The following SCAF8 variants were observed in gnomAD, a reference collection of about 807,000 sequenced individuals.
SCAF8 encodes SR-related CTD associated factor 8, also known as SR-related and CTD-associated factor 8.
SCAF8 carries 23 observed loss-of-function variants against 140.5 expected under a neutral mutation model. The ratio of observed to expected loss-of-function variants is 0.16; its 90% CI spans 0.12 to 0.23. The LOEUF is 0.23. Ranked by LOEUF, SCAF8 falls within the 10% of genes least tolerant of loss-of-function variation. The pLI is 1.00. For synonymous variants in SCAF8, 575 were observed against 528.9 expected (o/e 1.09, Z -1.20); for missense variants, 1,397 against 1,555.7 (o/e 0.90, Z 1.72).
intron 3 of SCAF8, among the ~76,000 whole-genome samples, chr6:154,780,249 T>G (rs1385890105): frequency 6.6e-6 from 1 of 152,168 alleles, no homozygotes; most frequent in East Asian, 1.9e-4. Flanking sequence ...AAATGTTATA[T>G]AAATTGAATC....
chr6:154,823,824 G>A (rs1278969111), intron 16 of SCAF8, among the ~76,000 whole-genome samples: 1 of 152,174 alleles, frequency 6.6e-6, no homozygotes, highest in Non-Finnish European at 1.5e-5. Flanking sequence ...GTGAGTAAAA[G>A]GTACTTATGC....
chr6:154,751,899 G>C (rs992699684), intron 1 of SCAF8, among the ~76,000 whole-genome samples: 2 of 152,146 alleles, frequency 1.3e-5, no homozygotes, highest in Non-Finnish European at 2.9e-5. Context: ...TCCTTGGCAA[G>C]GAAGTATTGC....
At position 154,832,874 on chromosome 6, in the gene SCAF8, T is replaced by G; in HGVS notation, c.3295T>G (p.Phe1099Val). Residue 1099 changes from phenylalanine to valine, a missense_variant, in exon 20 of 20, where the codon TTT becomes GTT. Coordinates refer to ENST00000367178, the MANE Select transcript of SCAF8 (RefSeq NM_014892.5). ...PEKPWGHRGD[F>V]DEREHRVLPV... ...GAAGCCCTGGGGGCATAGAGGAGAT[T>G]TTGATGAGAGAGAGCATCGGGTTCT... 6.2e-7 allele frequency: 1 copy of G among 1,614,056 alleles called. No homozygotes were observed. Among genetic ancestry groups the G allele is most frequent in the African/African-American group, 1.3e-5 (1 of 75,014 alleles).
At chr6:154,786,572 G>A (rs958004954) in intron 3 of SCAF8, among the ~76,000 whole-genome samples, 3 of 152,192 alleles carry the variant, frequency 2.0e-5, no homozygotes, top group Admixed American at 6.5e-5. Context: ...GAGTCAAACC[G>A]TAAACTAAAT....
chr6:154,822,212 T>G, intron 15 of SCAF8, 64 bp from the exon 16 acceptor site: 2 of 1,515,592 alleles, frequency 1.3e-6, no homozygotes, highest in Non-Finnish European at 1.8e-6. Flanking sequence ...AATAAATGAA[T>G]ACAAAGAAGA....
chr6:154,805,543 G>T, intron 9 of SCAF8, 57 bp downstream of exon 9: 3 of 979,296 alleles, frequency 3.1e-6, no homozygotes, highest in East Asian at 2.6e-5. Context: ...TCTATAAATT[G>T]GCATTTTTGT....
intron 1 of SCAF8, among the ~76,000 whole-genome samples, chr6:154,760,075 G>T (rs1779064506): frequency 6.6e-6 from 1 of 151,838 alleles, no homozygotes; most frequent in African/African-American, 2.4e-5. Flanking sequence ...CAGATCACTT[G>T]AAGTCAGGAG....
chr6:154,759,627 T>G (rs1251432079), intron 1 of SCAF8, among the ~76,000 whole-genome samples: 1 of 151,994 alleles, frequency 6.6e-6, no homozygotes. Context: ...CATACTAATA[T>G]GACATCTGGA....
At chr6:154,762,342 G>A (rs988153263) in intron 1 of SCAF8, among the ~76,000 whole-genome samples, 1 of 152,188 alleles carries the variant, frequency 6.6e-6, no homozygotes, top group African/African-American at 2.4e-5. Context: ...TCAGGCTGTT[G>A]GCTGAATTCA....
intron 14 of SCAF8, among the ~76,000 whole-genome samples, 185 bp downstream of exon 14, chr6:154,818,777 C>T (rs1583063885): frequency 6.6e-6 from 1 of 152,172 alleles, no homozygotes; most frequent in African/African-American, 2.4e-5. Context: ...TGTTTCAGTT[C>T]GTTGAGTTAT....
At chr6:154,829,424 T>C (rs953494027) in intron 18 of SCAF8, among the ~76,000 whole-genome samples, 11 of 152,124 alleles carry the variant, frequency 7.2e-5, no homozygotes, top group Admixed American at 5.2e-4. Context: ...TAATAATTTT[T>C]TCATTCTAGT....
intron 4 of SCAF8, among the ~76,000 whole-genome samples, chr6:154,788,704 T>C (rs1261109656): frequency 6.6e-6 from 1 of 152,322 alleles, no homozygotes; most frequent in East Asian, 1.9e-4. Flanking sequence ...TCTTCTATTA[T>C]GGTAGAATTT....
intron 1 of SCAF8, among the ~76,000 whole-genome samples, chr6:154,755,468 C>T (rs1018437006): frequency 1.3e-5 from 2 of 152,118 alleles, no homozygotes; most frequent in African/African-American, 4.8e-5. Context: ...CCAGTCTGGT[C>T]TCGAACTCCT....
rs553703868 is a variant in SCAF8, at chr6:154,787,917, A to G, written c.216A>G (p.Gln72=). Residue 72 remains glutamine, a synonymous_variant, in exon 4 of 20, where the codon CAA becomes CAG. Transcript: ENST00000367178. ...GLYVIDSIVR[Q]SRHQFGQEKD... ...ATGTTATTGACTCCATTGTGCGACAATCCCGACATCAGTTTGGTCAAGAAA... is the reference window on the plus strand; with the variant it reads ...ATGTTATTGACTCCATTGTGCGACAGTCCCGACATCAGTTTGGTCAAGAAA... 58 of 1,613,972 alleles carry G rather than the reference A, an allele frequency of 3.6e-5. No homozygotes were observed. The East Asian group carries it at 4.0e-4, about 11-fold the overall frequency.
chr6:154,770,549 G>C (rs1370803824), intron 1 of SCAF8, among the ~76,000 whole-genome samples: 1 of 151,870 alleles, frequency 6.6e-6, no homozygotes, highest in Non-Finnish European at 1.5e-5. Context: ...ACTCCAGCCT[G>C]GGTGACAAAG....
At chr6:154,783,993 C>A (rs975035400) in intron 3 of SCAF8, among the ~76,000 whole-genome samples, 1 of 151,678 alleles carries the variant, frequency 6.6e-6, no homozygotes, top group African/African-American at 2.4e-5. Flanking sequence ...CTTGAACCCA[C>A]AAAGCAGAGG....
intron 1 of SCAF8, among the ~76,000 whole-genome samples, chr6:154,739,779 CT>C (rs1169637870): frequency 1.3e-5 from 2 of 152,160 alleles, no homozygotes; most frequent in African/African-American, 4.8e-5. Flanking sequence ...CTTTATTTTA[CT>C]TCCAAATTTG....
chr6:154,812,670 A>G (rs1243559119), intron 12 of SCAF8, among the ~76,000 whole-genome samples: 1 of 152,190 alleles, frequency 6.6e-6, no homozygotes, highest in Non-Finnish European at 1.5e-5. Flanking sequence ...ATTTTAGAAC[A>G]TAAGGTTTTC....
chr6:154,776,466 G>C (rs1776921390), intron 2 of SCAF8, among the ~76,000 whole-genome samples: 2 of 152,136 alleles, frequency 1.3e-5, no homozygotes, highest in South Asian at 2.1e-4. Flanking sequence ...TGTGGAAGAA[G>C]GCCTATGAGA....
Sources: allele counts gnomAD v4.1 joint callset (sites outside exome capture counted in the v4.1 genomes callset), GRCh38; gene constraint gnomAD v4.1.1; transcripts MANE v1.5; gene names NCBI Gene and HGNC (gene_info 2026-07-23, HGNC 2026-07-21).